The following TOGARAM1 variants were observed in gnomAD, a reference collection of about 807,000 sequenced individuals.
The protein encoded by TOGARAM1 is TOG array regulator of axonemal microtubules protein 1.
Under a neutral mutation model 166.6 loss-of-function variants are expected in TOGARAM1, and 100 were observed. The observed-to-expected ratio is 0.60, with a 90% CI of 0.51 to 0.71. TOGARAM1 has a LOEUF of 0.71. Among genes scored for constraint, TOGARAM1 ranks in the 30% least tolerant of loss-of-function variants. The probability of loss-of-function intolerance (pLI) is 0.00; values close to 1 mark genes in which losing one functional copy is unlikely to be tolerated. For missense variants in TOGARAM1, 2,029 were observed against 2,102.7 expected (o/e 0.96, Z 0.69); for synonymous variants, 758 against 763.8 (o/e 0.99, Z 0.13).
intron 7 of TOGARAM1, among the ~76,000 whole-genome samples, chr14:45,012,442 A>C (rs891844819): frequency 5.1e-4 from 78 of 152,326 alleles, no homozygotes; most frequent in African/African-American, 1.8e-3. Context: ...GGACATCCCG[A>C]AAGACAATTT....
rs760051094 is a variant in TOGARAM1, at chr14:44,962,562, C to T, written c.141C>T (p.Asn47=). 1.9e-6 allele frequency: 3 copies of T among 1,614,026 alleles called. No individual in the cohort carries two copies. The highest frequency in any genetic ancestry group is 1.7e-5 in the Admixed American group (1 of 60,012). The change falls in exon 1 of 20, where the codon AAC becomes AAT. Residue 47 remains asparagine (N), a synonymous_variant. Coordinates refer to ENST00000361462, the MANE Select transcript of TOGARAM1 (RefSeq NM_001308120.2). ...RVGGIMRGEK[N]YYFRGAAGDH... is the part of the protein sequence containing the mutation. ...GGGGCATTATGAGAGGAGAGAAAAA[C>T]TACTACTTCCGTGGAGCTGCGGGGG...
At chr14:45,005,545 C>T (rs966143706) in intron 4 of TOGARAM1, among the ~76,000 whole-genome samples, 4 of 151,994 alleles carry the variant, frequency 2.6e-5, no homozygotes, top group East Asian at 1.9e-4. Flanking sequence ...ACCCAGGAAG[C>T]GGAGGTTGCA....
At chr14:44,982,652 T>C (rs1272915911) in intron 1 of TOGARAM1, among the ~76,000 whole-genome samples, 4 of 152,174 alleles carry the variant, frequency 2.6e-5, no homozygotes, top group Non-Finnish European at 4.4e-5. Flanking sequence ...AATTTAAAAG[T>C]TTATGAGGTG....
At chr14:45,044,175 A>C (rs1881864539) in intron 12 of TOGARAM1, among the ~76,000 whole-genome samples, 1 of 151,978 alleles carries the variant, frequency 6.6e-6, no homozygotes, top group Non-Finnish European at 1.5e-5. Flanking sequence ...ACACCTGGCT[A>C]ATTTTTGTAT....
chr14:45,063,925 G>T (rs1883023257), intron 16 of TOGARAM1, among the ~76,000 whole-genome samples: 1 of 152,096 alleles, frequency 6.6e-6, no homozygotes, highest in Non-Finnish European at 1.5e-5. Flanking sequence ...CCTTTGATAT[G>T]TTATCACCCT....
chr14:44,992,531 A>G (rs1443428136), intron 1 of TOGARAM1, among the ~76,000 whole-genome samples: 1 of 150,730 alleles, frequency 6.6e-6, no homozygotes, highest in Non-Finnish European at 1.5e-5. Flanking sequence ...ACTATTTTTG[A>G]GATGCTTTAA....
intron 14 of TOGARAM1, among the ~76,000 whole-genome samples, chr14:45,048,225 G>A (rs887203929): frequency 6.1e-5 from 9 of 147,154 alleles, no homozygotes; most frequent in Admixed American, 1.4e-4. Context: ...GGCGGCATGC[G>A]CCTGTAGTTC....
At chr14:45,054,672 C>A in intron 16 of TOGARAM1, 123 bp downstream of exon 16, 1 of 656,778 alleles carries the variant, frequency 1.5e-6, no homozygotes, top group Non-Finnish European at 2.6e-6. Context: ...TAAAAGTTTG[C>A]TTAGGATCCA....
intron 1 of TOGARAM1, among the ~76,000 whole-genome samples, chr14:44,988,540 T>G (rs1461172312): frequency 6.6e-6 from 1 of 152,242 alleles, no homozygotes; most frequent in Non-Finnish European, 1.5e-5. Flanking sequence ...ATTAGGAATG[T>G]TGATCAGTTA....
intron 7 of TOGARAM1, among the ~76,000 whole-genome samples, chr14:45,023,791 A>G (rs1880667051): frequency 6.6e-6 from 1 of 151,958 alleles, no homozygotes; most frequent in African/African-American, 2.4e-5. Flanking sequence ...CCCAGGCTGT[A>G]GTGCAGTGGT....
chr14:45,045,535 C>CTGTGTGTGTG (rs369196409), intron 13 of TOGARAM1, among the ~76,000 whole-genome samples: 336 of 28,988 alleles, frequency 0.012, 15 homozygotes, highest in African/African-American at 0.038. Context: ...ATTCCATGGT[C>CTGTGTGTGTG]TGTGTGTGTA....
chr14:45,012,481 GTAGT>G (rs1193465678), intron 7 of TOGARAM1, among the ~76,000 whole-genome samples: 2 of 152,188 alleles, frequency 1.3e-5, no homozygotes, highest in Non-Finnish European at 2.9e-5. Context: ...ACTGTTAATA[GTAGT>G]TAAATTCATG....
chr14:45,054,606 A>C, intron 16 of TOGARAM1, 57 bp downstream of exon 16: 1 of 1,248,598 alleles, frequency 8.0e-7, no homozygotes, highest in Non-Finnish European at 1.1e-6. Flanking sequence ...TAGTAGTCTC[A>C]TTTGGATGTT....
At position 45,022,420 on chromosome 14, in the gene TOGARAM1, G is replaced by T. The variant is rs1270753670; in HGVS notation, c.3239-3363G>T. On this transcript the variant is annotated intron_variant, in intron 7 of 19. Coordinates refer to ENST00000361462, the MANE Select transcript of TOGARAM1 (RefSeq NM_001308120.2). ...TCTCCTGAAGGAGCTTGGCGATAAG[G>T]CAGGGGATTATTTCTTTGGCACACT... Among the ~76,000 whole-genome samples, 3 of 149,974 alleles carry T rather than the reference G, an allele frequency of 2.0e-5. No individual in the cohort carries two copies. In the East Asian group the frequency reaches 5.9e-4, roughly 29 times the overall value.
At position 45,009,129 on chromosome 14, in the gene TOGARAM1, C is replaced by T; in HGVS notation, c.3121C>T (p.Gln1041Ter). 2 of 1,611,748 alleles carry T rather than the reference C, an allele frequency of 1.2e-6. No individual in the cohort carries two copies. Among genetic ancestry groups the T allele is most frequent in the African/African-American group, 1.3e-5 (1 of 74,928 alleles). ...SLTSSLSTTP[Q>*]GKRIMSDIFP... ...GACTTCTTCTCTGTCTACAACTCCC[C>T]AGGGGAAGAGAATAATGTATTTTAT... Residue 1041 changes from glutamine to a stop codon, truncating the protein, a stop_gained, in exon 6 of 20, where the codon CAG (glutamine) becomes TAG (stop). Coordinates refer to ENST00000361462, the MANE Select transcript of TOGARAM1 (RefSeq NM_001308120.2). LOFTEE classifies it high-confidence loss of function.
intron 2 of TOGARAM1, among the ~76,000 whole-genome samples, chr14:44,999,138 C>A (rs879492623): frequency 2.6e-5 from 4 of 152,090 alleles, no homozygotes; most frequent in Non-Finnish European, 4.4e-5. Flanking sequence ...ACATACCTGT[C>A]TTTTCCCTGT....
chr14:44,994,330 G>A (rs992262986), intron 1 of TOGARAM1, among the ~76,000 whole-genome samples: 10 of 152,106 alleles, frequency 6.6e-5, no homozygotes, highest in Admixed American at 4.6e-4. Flanking sequence ...TGTTAGCCAG[G>A]CTGGTCTTGA....
chr14:44,966,353 AT>A lies in TOGARAM1; in HGVS notation c.2046+1887del, dbSNP rs572776374. On this transcript the variant is annotated intron_variant, in intron 1 of 19. Transcript: ENST00000361462. ...CTGGGTGTGGTGGCACACACCTGTA[AT>A]CTCAGCTACTCGGGAGGCTGAGGCA... 5.6e-3 allele frequency among the ~76,000 whole-genome samples: 843 copies of A among 151,636 alleles called. 8 individuals carry two copies. Among genetic ancestry groups the A allele is most frequent in the African/African-American group, 0.019 (806 of 41,418 alleles).
intron 5 of TOGARAM1, chr14:45,007,018 A>G (rs1879483713): frequency 6.6e-6 from 1 of 152,108 alleles, no homozygotes. Context: ...TCAGAGTACT[A>G]TTTCCATAGA....
Sources: gnomAD v4.1 joint callset for allele counts (sites outside exome capture counted in the v4.1 genomes callset) on GRCh38, gnomAD v4.1.1 for gene constraint, MANE v1.5 for transcripts, NCBI Gene and HGNC (gene_info 2026-07-23, HGNC 2026-07-21) for gene names.